The following GTF2IRD1 variants were observed in gnomAD, a reference collection of about 807,000 sequenced individuals.
GTF2IRD1 encodes the protein general transcription factor II-I repeat domain-containing protein 1.
In GTF2IRD1, 26 loss-of-function variants were observed where a neutral mutation model predicts 113.2. That is an observed-to-expected ratio of 0.23 (90% CI 0.17 to 0.32). GTF2IRD1 has a LOEUF of 0.32. Among genes scored for constraint, GTF2IRD1 ranks in the 10% least tolerant of loss-of-function variants. The pLI, the probability that GTF2IRD1 is intolerant of heterozygous loss-of-function variation, is 1.00. For missense variants in GTF2IRD1, 864 were observed against 1,280.8 expected (o/e 0.67, Z 4.97); for synonymous variants, 484 against 529.1 (o/e 0.91, Z 1.17).
chr7:74,490,336 C>T (rs1464179311), intron 1 of GTF2IRD1, among the ~76,000 whole-genome samples: 6 of 152,088 alleles, frequency 3.9e-5, no homozygotes, highest in South Asian at 2.1e-4. Flanking sequence ...GACCCCCTCC[C>T]GCTGCCCAGC....
At chr7:74,544,130 C>T (rs1798790944) in intron 14 of GTF2IRD1, among the ~76,000 whole-genome samples, 1 of 152,162 alleles carries the variant, frequency 6.6e-6, no homozygotes, top group Non-Finnish European at 1.5e-5. Flanking sequence ...TGTGCTAATT[C>T]ATGTGATGAC....
intron 14 of GTF2IRD1, among the ~76,000 whole-genome samples, chr7:74,541,569 T>G (rs1554351711): frequency 6.6e-6 from 1 of 151,944 alleles, no homozygotes; most frequent in Non-Finnish European, 1.5e-5. Flanking sequence ...GAGGCTGTGG[T>G]GAGCCGTGAT....
intron 1 of GTF2IRD1, among the ~76,000 whole-genome samples, chr7:74,498,608 C>T (rs1795855938): frequency 1.3e-5 from 2 of 152,114 alleles, no homozygotes; most frequent in Admixed American, 1.3e-4. Context: ...CAGGCCCCTC[C>T]TCCCCCAAAA....
chr7:74,488,310 A>G (rs1795136195), intron 1 of GTF2IRD1, among the ~76,000 whole-genome samples: 1 of 152,110 alleles, frequency 6.6e-6, no homozygotes, highest in African/African-American at 2.4e-5. Flanking sequence ...CACACTCAGA[A>G]TCTTCAAATC....
intron 22 of GTF2IRD1, among the ~76,000 whole-genome samples, chr7:74,585,211 A>T (rs1210412553): frequency 6.8e-6 from 1 of 147,628 alleles, no homozygotes; most frequent in Non-Finnish European, 1.5e-5. Context: ...CTCCCAGTTC[A>T]AGGGATTCTC....
At chr7:74,473,543 G>A (rs1309021274) in intron 1 of GTF2IRD1, among the ~76,000 whole-genome samples, 1 of 152,014 alleles carries the variant, frequency 6.6e-6, no homozygotes, top group African/African-American at 2.4e-5. Context: ...TCTCACTTTG[G>A]CCTCCCAAAA....
intron 14 of GTF2IRD1, 77 bp downstream of exon 14, chr7:74,540,045 G>T: frequency 1.0e-6 from 1 of 994,206 alleles, no homozygotes; most frequent in Non-Finnish European, 1.6e-6. Context: ...GGGCCAGGCC[G>T]TCCCCAGGTG....
chr7:74,517,215 G>T (rs1245600311), intron 4 of GTF2IRD1, among the ~76,000 whole-genome samples: 1 of 151,594 alleles, frequency 6.6e-6, no homozygotes, highest in Non-Finnish European at 1.5e-5. Context: ...GTAGAGACGG[G>T]GTTTCACCAT....
intron 24 of GTF2IRD1, among the ~76,000 whole-genome samples, chr7:74,593,215 C>T (rs1392864734): frequency 6.6e-6 from 1 of 151,434 alleles, no homozygotes; most frequent in African/African-American, 2.4e-5. Flanking sequence ...ACAAATTGTT[C>T]AAAATCAAAA....
intron 19 of GTF2IRD1, among the ~76,000 whole-genome samples, chr7:74,557,110 G>T (rs1420628863): frequency 1.3e-5 from 2 of 152,188 alleles, no homozygotes; most frequent in Non-Finnish European, 2.9e-5. Context: ...GCCAGGTGCG[G>T]TGGTGCACGC....
intron 1 of GTF2IRD1, among the ~76,000 whole-genome samples, chr7:74,458,775 C>T (rs1554328178): frequency 1.3e-5 from 2 of 151,968 alleles, no homozygotes. Flanking sequence ...GTGCCTCAGC[C>T]TCCCGAGTAG....
chr7:74,534,581 G>A (rs1180664271), intron 9 of GTF2IRD1, among the ~76,000 whole-genome samples: 1 of 151,940 alleles, frequency 6.6e-6, no homozygotes, highest in Non-Finnish European at 1.5e-5. Flanking sequence ...AACCAAAAAC[G>A]CCAGTCATGG....
intron 22 of GTF2IRD1, among the ~76,000 whole-genome samples, chr7:74,587,464 A>G (rs1466434568): frequency 6.6e-6 from 1 of 151,636 alleles, no homozygotes; most frequent in African/African-American, 2.4e-5. Flanking sequence ...AAAGAAAAAA[A>G]AACAGGAGTC....
intron 8 of GTF2IRD1, among the ~76,000 whole-genome samples, chr7:74,529,166 C>T (rs1797813933): frequency 6.6e-6 from 1 of 152,012 alleles, no homozygotes; most frequent in Admixed American, 6.6e-5. Flanking sequence ...CACACAGAGG[C>T]ATGAAGGGGG....
Position 74,508,102 on chromosome 7 carries a change from T to C in GTF2IRD1, c.22T>C (p.Cys8Arg), listed in dbSNP as rs1554341610. ...GACCATGGCCTTGCTGGGTAAGCGC[T>C]GTGACGTCCCCACCAACGGCTGCGG... MALLGKR[C>R]DVPTNGCGPD... Residue 8 changes from cysteine to arginine, a missense_variant, in exon 2 of 27, where the codon TGT becomes CGT. Physicochemically the swap from Cys to Arg is radical, Grantham distance 180 (BLOSUM62 -3). This residue lies in a region of GTF2IRD1 where 182 missense variants were observed against 266.6 expected (regional missense o/e 0.68). Transcript: ENST00000424337. 4 of 1,609,492 alleles carry C rather than the reference T, an allele frequency of 2.5e-6. No homozygotes were observed. In the South Asian group the frequency reaches 4.4e-5, roughly 18 times the overall value.
intron 17 of GTF2IRD1, among the ~76,000 whole-genome samples, chr7:74,551,657 G>A (rs1181897087): frequency 6.6e-6 from 1 of 152,086 alleles, no homozygotes; most frequent in Non-Finnish European, 1.5e-5. Flanking sequence ...GTGGGAGCAG[G>A]CCAGGCGTGG....
chr7:74,499,768 A>ATGAGTGTTCACACCAAGGAATGAG (rs1795924536), intron 1 of GTF2IRD1, among the ~76,000 whole-genome samples: 1 of 152,236 alleles, frequency 6.6e-6, no homozygotes, highest in Admixed American at 6.5e-5. Flanking sequence ...CAAGGAATGA[A>ATGAGTGTTCACACCAAGGAATGAG]TGAGTGTTCA....
chr7:74,552,308 CAG>C (rs1175908960), intron 17 of GTF2IRD1, among the ~76,000 whole-genome samples: 1 of 152,100 alleles, frequency 6.6e-6, no homozygotes, highest in Non-Finnish European at 1.5e-5. Context: ...CACCTGAGGT[CAG>C]AAGTTCGAGA....
Position 74,519,527 on chromosome 7 carries a change from C to G in GTF2IRD1, c.724C>G (p.Gln242Glu). The G allele has an allele frequency of 6.2e-7, 1 of 1,612,174 alleles. No homozygotes were observed. Among genetic ancestry groups the G allele is most frequent in the East Asian group, 2.2e-5 (1 of 44,840 alleles). ...LHGQAPKVPP[Q>E]DLPPTATSSS... ...TGGCCAGGCCCCCAAGGTGCCACCC[C>G]AGGACCTGCCCCCAACCGCCACCTC... Residue 242 changes from glutamine (Q) to glutamate (E), a missense_variant, in exon 6 of 27, where the codon CAG (glutamine) becomes GAG (glutamate). Coordinates refer to ENST00000424337, the MANE Select transcript of GTF2IRD1 (RefSeq NM_005685.4).
Sources: gnomAD v4.1 joint callset for allele counts (sites outside exome capture counted in the v4.1 genomes callset) on GRCh38, gnomAD v4.1.1 for gene constraint, gnomAD v4.1.1 regional missense constraint, MANE v1.5 for transcripts, NCBI Gene and HGNC (gene_info 2026-07-23, HGNC 2026-07-21) for gene names.